NAV3: variants seen among roughly 807,000 people sequenced by gnomAD.
NAV3 encodes neuron navigator 3.
Under a neutral mutation model 244.7 loss-of-function variants are expected in NAV3, and 87 were observed. The observed-to-expected ratio is 0.36, with a 90% CI of 0.30 to 0.42. The LOEUF is 0.42. NAV3 is among the 20% of genes least tolerant of loss of function. NAV3 has a pLI of 1.00. For synonymous variants in NAV3, 1,126 were observed against 1,042.2 expected (o/e 1.08, Z -1.55); for missense variants, 2,663 against 2,893.3 (o/e 0.92, Z 1.83).
rs760909219 is a variant in NAV3, at chr12:78,007,065, C to T, written c.1527C>T (p.Gly509=). 5 of 1,614,182 alleles carry T rather than the reference C, an allele frequency of 3.1e-6. No homozygotes were observed. The highest frequency in any genetic ancestry group is 4.2e-6 in the Non-Finnish European group (5 of 1,180,042). The change falls in exon 8 of 40, where the codon GGC becomes GGT. Residue 509 remains glycine (G), a synonymous_variant. Transcript: ENST00000397909. ...AAATTGCAAGCTTGATCCCTAAGGG[C>T]AGCAAGACAACAGCAGCTAAGAAGG... The part of the protein sequence containing the change: ...TSKIASLIPK[G]SKTTAAKKES...
chr12:77,835,427 T>G (rs1874461152), intron 1 of NAV3, among the ~76,000 whole-genome samples: 1 of 152,174 alleles, frequency 6.6e-6, no homozygotes, highest in African/African-American at 2.4e-5. Context: ...ATGATCTGGT[T>G]TGAGAGAACA....
intron 2 of NAV3, among the ~76,000 whole-genome samples, chr12:77,678,015 G>C (rs1387946195): frequency 6.6e-6 from 1 of 151,972 alleles, no homozygotes; most frequent in African/African-American, 2.4e-5. Flanking sequence ...TTTTCTAAAG[G>C]ACAGATAGCA....
chr12:78,123,704 A>T (rs1955781477), intron 16 of NAV3, among the ~76,000 whole-genome samples: 1 of 152,132 alleles, frequency 6.6e-6, no homozygotes, highest in Admixed American at 6.5e-5. Context: ...TACAAAATAC[A>T]TTTTTCCTCC....
At chr12:77,943,956 C>T (rs952758397) in intron 3 of NAV3, among the ~76,000 whole-genome samples, 2 of 152,116 alleles carry the variant, frequency 1.3e-5, no homozygotes, top group Non-Finnish European at 2.9e-5. Flanking sequence ...TGATAAATTT[C>T]CATAGTAGCC....
chr12:78,080,993 G>A (rs552840006), intron 12 of NAV3, among the ~76,000 whole-genome samples: 7 of 152,302 alleles, frequency 4.6e-5, no homozygotes, highest in Admixed American at 2.6e-4. Flanking sequence ...TTTAGAGATC[G>A]TATCCATTTG....
chr12:77,946,170 T>C (rs972188289), intron 3 of NAV3, among the ~76,000 whole-genome samples: 17 of 148,984 alleles, frequency 1.1e-4, no homozygotes, highest in Admixed American at 5.4e-4. Flanking sequence ...TATATAATGA[T>C]AGCACTATGA....
intron 30 of NAV3, among the ~76,000 whole-genome samples, chr12:78,184,774 G>C (rs1317614082): frequency 6.6e-6 from 1 of 151,638 alleles, no homozygotes; most frequent in African/African-American, 2.4e-5. Context: ...GAATGTAATG[G>C]AGTTTCATTT....
At chr12:77,957,126 G>A (rs1420600738) in intron 3 of NAV3, among the ~76,000 whole-genome samples, 2 of 152,130 alleles carry the variant, frequency 1.3e-5, no homozygotes, top group East Asian at 1.9e-4. Context: ...CATTCTCCTC[G>A]CTGCTCTACA....
intron 2 of NAV3, among the ~76,000 whole-genome samples, chr12:77,622,403 C>T (rs1161809372): frequency 1.3e-5 from 2 of 152,036 alleles, no homozygotes; most frequent in Non-Finnish European, 2.9e-5. Flanking sequence ...TTGTGATCTG[C>T]CCGCCTCAGC....
intron 2 of NAV3, among the ~76,000 whole-genome samples, chr12:77,629,966 G>A (rs73425578): frequency 0.12 from 18,151 of 152,118 alleles, 2,007 homozygotes; most frequent in African/African-American, 0.29. Context: ...GGCATAACCA[G>A]GGTCTTTTCA....
chr12:77,734,989 A>G (rs1392098552), intron 2 of NAV3, among the ~76,000 whole-genome samples: 5 of 152,168 alleles, frequency 3.3e-5, no homozygotes, highest in Non-Finnish European at 7.4e-5. Flanking sequence ...GGACAAGATG[A>G]AGTTGAATCA....
At chr12:78,064,461 G>C (rs1215250705) in intron 12 of NAV3, among the ~76,000 whole-genome samples, 1 of 151,716 alleles carries the variant, frequency 6.6e-6, no homozygotes, top group East Asian at 1.9e-4. Context: ...CTGCCTGCCT[G>C]CCTGTCTGTC....
In NAV3 at chr12:78,179,615, T is replaced by A. The variant is rs201871459; in HGVS notation, c.5450T>A (p.Ile1817Asn). 6.2e-7 allele frequency: 1 copy of A among 1,613,410 alleles called. No individual in the cohort carries two copies. The highest frequency in any genetic ancestry group is 8.5e-7 in the Non-Finnish European group (1 of 1,179,532). The stretch of plus-strand genomic sequence containing the variant: ...GAAAAGGAATTAAAATTAACGGATA[T>A]TCGGCTGGAGGCCCTCAGCTCTGCT... ...LREKELKLTD[I>N]RLEALSSAHH... Residue 1817 changes from isoleucine to asparagine, a missense_variant, in exon 29 of 40, where the codon ATT becomes AAT. Ile to Asn is a moderately radical substitution (Grantham distance 149). This residue lies in a region of NAV3 where 4 missense variants were observed against 20.2 expected (regional missense o/e 0.20). Transcript: ENST00000397909.
At chr12:77,720,376 G>A (rs1444904904) in intron 2 of NAV3, among the ~76,000 whole-genome samples, 4 of 152,094 alleles carry the variant, frequency 2.6e-5, no homozygotes, top group African/African-American at 9.7e-5. Flanking sequence ...GTTTTTCTGT[G>A]GGTGTCTTCT....
intron 2 of NAV3, among the ~76,000 whole-genome samples, chr12:77,646,421 C>A (rs1410690861): frequency 6.6e-6 from 1 of 152,092 alleles, no homozygotes; most frequent in Non-Finnish European, 1.5e-5. Flanking sequence ...GTGACTGTGA[C>A]CCAAACCTCC....
chr12:78,030,074 C>G (rs898734461), intron 9 of NAV3, among the ~76,000 whole-genome samples: 5 of 152,138 alleles, frequency 3.3e-5, no homozygotes, highest in Non-Finnish European at 5.9e-5. Context: ...TGAATTTTGA[C>G]TTGGGTCCCA....
chr12:78,207,513 A>G (rs1960454599), intron 39 of NAV3, among the ~76,000 whole-genome samples: 1 of 152,138 alleles, frequency 6.6e-6, no homozygotes, highest in Non-Finnish European at 1.5e-5. Context: ...TATTAAGTAA[A>G]ATTGTGAGTT....
In NAV3 at chr12:78,179,652, T is replaced by G. The variant is rs754402890; in HGVS notation, c.5487T>G (p.Asp1829Glu). The part of the protein sequence containing the change: ...LEALSSAHHL[D>E]QIREAMNRMQ... ...CCCTCAGCTCTGCTCATCATCTTGA[T>G]CAGATCCGGGAAGCCATGAACCGGA... The change falls in exon 29 of 40, where the codon GAT becomes GAG. Residue 1829 changes from aspartate (D) to glutamate (E), a missense_variant. Around this residue, in one of 6 missense-constraint regions of NAV3, gnomAD observed 543 missense variants for 672.4 expected, o/e 0.81. Coordinates refer to ENST00000397909, the MANE Select transcript of NAV3 (RefSeq NM_001024383.2). 2 of 1,612,984 alleles carry G rather than the reference T, an allele frequency of 1.2e-6. No homozygotes were observed. Among genetic ancestry groups the G allele is most frequent in the Non-Finnish European group, 1.7e-6 (2 of 1,179,322 alleles).
At chr12:77,756,391 A>G (rs2135820043) in intron 2 of NAV3, among the ~76,000 whole-genome samples, 1 of 151,988 alleles carries the variant, frequency 6.6e-6, no homozygotes, top group South Asian at 2.1e-4. Flanking sequence ...TCCTATTTTC[A>G]GTGAGATGTA....
Sources: allele counts gnomAD v4.1 joint callset (sites outside exome capture counted in the v4.1 genomes callset), GRCh38; gene constraint gnomAD v4.1.1; regional missense constraint gnomAD v4.1.1; transcripts MANE v1.5; gene names NCBI Gene and HGNC (gene_info 2026-07-23, HGNC 2026-07-21).